PRDM15: variants seen among roughly 807,000 people sequenced by gnomAD.
PRDM15 encodes the protein PR domain zinc finger protein 15.
Under a neutral mutation model 128.6 loss-of-function variants are expected in PRDM15, and 64 were observed. That is an observed-to-expected ratio of 0.50 (90% CI 0.41 to 0.61). The LOEUF (loss-of-function observed/expected upper bound fraction) is 0.61. Ranked by LOEUF, PRDM15 falls within the 20% of genes least tolerant of loss-of-function variation. The pLI is 0.00. For missense variants in PRDM15, 1,242 were observed against 1,569.1 expected, an observed-to-expected ratio of 0.79 and a Z score of 3.52; for synonymous variants, 615 against 621.8, an observed-to-expected ratio of 0.99 and a Z score of 0.16.
intron 13 of PRDM15, 51 bp downstream of exon 13, chr21:41,825,909 G>A (rs753966723): frequency 1.4e-6 from 2 of 1,386,520 alleles, no homozygotes; most frequent in Admixed American, 3.4e-5. Context: ...CTTAACTGAA[G>A]AAAATGATGT....
intron 11 of PRDM15, chr21:41,834,540 C>G: frequency 6.5e-7 from 1 of 1,550,228 alleles, no homozygotes; most frequent in Non-Finnish European, 8.7e-7. Flanking sequence ...GCCGGGCCCC[C>G]CCTCTCCAGG....
intron 1 of PRDM15, among the ~76,000 whole-genome samples, chr21:41,864,049 G>A (rs577657362): frequency 6.6e-6 from 1 of 152,226 alleles, no homozygotes; most frequent in East Asian, 1.9e-4. Flanking sequence ...TCACCATGTT[G>A]GCCAGGAGGG....
chr21:41,850,481 C>A (rs1344322203), intron 5 of PRDM15, among the ~76,000 whole-genome samples: 2 of 152,154 alleles, frequency 1.3e-5, no homozygotes, highest in Non-Finnish European at 2.9e-5. Flanking sequence ...CGCCTGGAAT[C>A]CCAGCACTTC....
chr21:41,839,752 GT>G lies in PRDM15; in HGVS notation c.741del (p.Glu247AspfsTer35). 1 of 1,614,250 alleles carries G rather than the reference GT, an allele frequency of 6.2e-7. No homozygotes were observed. Among genetic ancestry groups the G allele is most frequent in the South Asian group, 1.1e-5 (1 of 91,086 alleles). On this transcript the variant is annotated frameshift_variant, in exon 7 of 24. Coordinates refer to ENST00000398548, the MANE Select transcript of PRDM15 (RefSeq NM_001040424.3). LOFTEE classifies it high-confidence loss of function. ...PEKEQDTPRG[E>X]PPAVPESENV... ...TTCTCGCTCTCGGGCACTGCAGGGG[GT>G]TCCCCCCGGGGTGTGTCCTGCTCCT...
chr21:41,806,126 T>C (rs865838726), intron 21 of PRDM15, among the ~76,000 whole-genome samples: 526 of 2,988 alleles, frequency 0.18, no homozygotes, highest in Middle Eastern at 0.3. Flanking sequence ...ACCACCACCA[T>C]CACCACCACC....
intron 1 of PRDM15, among the ~76,000 whole-genome samples, chr21:41,873,040 C>T (rs1037530984): frequency 2.0e-5 from 3 of 152,152 alleles, no homozygotes; most frequent in Admixed American, 6.5e-5. Flanking sequence ...AGTTTTTCAC[C>T]GGGTCAGACC....
At position 41,823,202 on chromosome 21, in the gene PRDM15, CAT is replaced by C. The variant is rs577726984; in HGVS notation, c.1761+114_1761+115del. The C allele has an allele frequency of 9.5e-5, 125 of 1,318,280 alleles. No individual in the cohort carries two copies. The East Asian group carries it at 2.5e-3, about 26-fold the overall frequency. The allele number at this position is 1,318,280 out of a possible 1,614,324, so 81.7% of individuals were successfully genotyped here. On this transcript the variant is annotated intron_variant, in intron 14 of 23. Transcript: ENST00000398548. ...CTAGCCTCCAGAACCGTGAGCAGCA[CAT>C]GTCTGCCCAGAAGCTGCCCTGCCCA...
intron 1 of PRDM15, among the ~76,000 whole-genome samples, chr21:41,873,281 C>T (rs767949919): frequency 2.0e-5 from 3 of 152,282 alleles, no homozygotes; most frequent in South Asian, 2.1e-4. Flanking sequence ...CGTAGGAGGG[C>T]GCATGGGGGT....
chr21:41,834,747 C>T (rs187882002), intron 11 of PRDM15, among the ~76,000 whole-genome samples: 2 of 152,322 alleles, frequency 1.3e-5, no homozygotes, highest in South Asian at 2.1e-4. Context: ...CGTGGAGAAG[C>T]GCAGCCGGCA....
intron 18 of PRDM15, among the ~76,000 whole-genome samples, chr21:41,819,070 A>C: frequency 6.6e-6 from 1 of 152,192 alleles, no homozygotes; most frequent in East Asian, 1.9e-4. Context: ...CCTACTTTTA[A>C]AACGATTTGT....
intron 16 of PRDM15, among the ~76,000 whole-genome samples, chr21:41,820,515 G>A (rs145621099): frequency 1.4e-4 from 21 of 152,304 alleles, no homozygotes; most frequent in African/African-American, 2.2e-4. Flanking sequence ...ACAGTGGAAC[G>A]GCCCTATGAG....
Position 41,857,338 on chromosome 21 carries a change from G to A in PRDM15, c.132-9C>T, listed in dbSNP as rs762918413. On this transcript the variant is annotated splice_polypyrimidine_tract_variant and intron_variant, in intron 3 of 23. Transcript: ENST00000398548. ...TGGGAGGAAGGGATGACCTGGAAAT[G>A]GAATAAAACAAGACTCAAAAGAGAG... is the stretch of plus-strand genomic sequence containing the variant. The A allele has an allele frequency of 1.2e-5, 20 of 1,613,526 alleles. No homozygotes were observed. The highest frequency in any genetic ancestry group is 1.5e-5 in the Non-Finnish European group (18 of 1,179,972).
rs1421656664 is a variant in PRDM15, at chr21:41,836,489, T to G, written c.1162A>C (p.Ser388Arg). The change falls in exon 9 of 24, where the codon AGC becomes CGC. Residue 388 changes from serine to arginine, a missense_variant. This residue lies in a region of PRDM15 where 612 missense variants were observed against 717.0 expected (regional missense o/e 0.85). Coordinates refer to ENST00000398548, the MANE Select transcript of PRDM15 (RefSeq NM_001040424.3). ...TCACCATGCGAGCGCACGTGCCTGC[T>G]CAGGTTGCTGCTGTTCTGGAAGATC... ...SKIFQNSSNL[S>R]RHVRSHGDKL... The G allele has an allele frequency of 6.2e-7, 1 of 1,611,678 alleles. No homozygotes were observed. Among genetic ancestry groups the G allele is most frequent in the Admixed American group, 1.7e-5 (1 of 60,012 alleles).
chr21:41,836,030 T>A, intron 10 of PRDM15, 83 bp downstream of exon 10: 1 of 726,388 alleles, frequency 1.4e-6, no homozygotes, highest in Non-Finnish European at 2.1e-6. Flanking sequence ...GATTCTTTCT[T>A]CTCATTACAA....
At chr21:41,825,219 T>A (rs540783861) in intron 13 of PRDM15, among the ~76,000 whole-genome samples, 1 of 152,252 alleles carries the variant, frequency 6.6e-6, no homozygotes, top group Non-Finnish European at 1.5e-5. Context: ...TGATGCCACC[T>A]CCAGTCACAA....
At chr21:41,875,346 T>G (rs2064374681) in intron 1 of PRDM15, among the ~76,000 whole-genome samples, 1 of 152,276 alleles carries the variant, frequency 6.6e-6, no homozygotes, top group Admixed American at 6.5e-5. Context: ...GGACGGCAGC[T>G]CCACCTGATG....
chr21:41,842,576 C>T (rs570793984), intron 6 of PRDM15, among the ~76,000 whole-genome samples: 12 of 150,712 alleles, frequency 8.0e-5, no homozygotes, highest in Middle Eastern at 3.5e-3. Flanking sequence ...CTATAACCTC[C>T]GCCTCCCAGG....
chr21:41,825,779 C>T (rs1601235401), intron 13 of PRDM15, among the ~76,000 whole-genome samples, 181 bp downstream of exon 13: 1 of 152,224 alleles, frequency 6.6e-6, no homozygotes, highest in Non-Finnish European at 1.5e-5. Context: ...ATCTTAAGTA[C>T]CAAAGAAATC....
chr21:41,867,744 G>A (rs1296074383), intron 1 of PRDM15, among the ~76,000 whole-genome samples: 1 of 152,166 alleles, frequency 6.6e-6, no homozygotes, highest in Non-Finnish European at 1.5e-5. Flanking sequence ...TTCTCCATCT[G>A]TACAATTTTG....
Sources: gnomAD v4.1 joint callset for allele counts (sites outside exome capture counted in the v4.1 genomes callset) on GRCh38, gnomAD v4.1.1 for gene constraint, gnomAD v4.1.1 regional missense constraint, MANE v1.5 for transcripts, NCBI Gene and HGNC (gene_info 2026-07-23, HGNC 2026-07-21) for gene names.